TWIST1: variants seen among roughly 807,000 people sequenced by gnomAD.
The protein encoded by TWIST1 is twist family bHLH transcription factor 1, also known as twist-related protein 1.
In TWIST1, 8 loss-of-function variants were observed where a neutral mutation model predicts 12.9. That is an observed-to-expected ratio of 0.62 (90% confidence interval 0.37 to 1.12). The LOEUF (loss-of-function observed/expected upper bound fraction) is 1.12, where lower values mean the gene tolerates loss of function less well. Among genes scored for constraint, TWIST1 ranks in the 50% most tolerant of loss-of-function variants. TWIST1 has a pLI of 0.02. For missense variants in TWIST1, 268 were observed against 299.7 expected, an observed-to-expected ratio of 0.89 and a Z score of 0.78; for synonymous variants, 169 against 138.7, an observed-to-expected ratio of 1.22 and a Z score of -1.54.
chr7:19,115,370 T>C (rs1288333178), downstream of TWIST1: 1 of 152,592 alleles, frequency 6.6e-6, no homozygotes, highest in African/African-American at 2.4e-5. Context: ...TTGTTTATAT[T>C]AGTGCCCCCT....
At chr7:19,114,231 ACTC>A (rs1281921186), downstream of TWIST1, 1 of 152,076 alleles carries the variant, frequency 6.6e-6, no homozygotes, top group Non-Finnish European at 1.5e-5. Context: ...AATGCTGCAG[ACTC>A]CTTATTGTAA....
At position 19,117,447 on chromosome 7, in the gene TWIST1, G is replaced by C. The variant is rs1027692930; in HGVS notation, c.-126C>G. ...GATGCGGCCCGCGGAGGAGAGAGCA[G>C]GAGGACGGACGGGAGGGACCTCCGC... is the stretch of plus-strand genomic sequence containing the variant. On this transcript the variant is annotated 5_prime_UTR_variant, in exon 1 of 2. Transcript: ENST00000242261. 6 of 1,201,254 alleles carry C rather than the reference G, an allele frequency of 5.0e-6. No homozygotes were observed. The African/African-American group carries it at 6.5e-5, about 13-fold the overall frequency. The allele number at this position is 1,201,254 out of a possible 1,614,324, so 74.4% of individuals were successfully genotyped here.
rs1420485349 is a variant in TWIST1, at chr7:19,116,745, C to T, written c.577G>A (p.Glu193Lys). Residue 193 changes from glutamate to lysine, a missense_variant, in exon 1 of 2, where the codon GAG (glutamate) becomes AAG (lysine). Glu to Lys is a moderately conservative substitution (Grantham distance 56). Around this residue, in one of 2 missense-constraint regions of TWIST1, gnomAD observed 79 missense variants for 127.6 expected, o/e 0.62. Coordinates refer to ENST00000242261, the MANE Select transcript of TWIST1 (RefSeq NM_000474.4). ...LSYAFSVWRM[E>K]GAWSMSASH ...GACGCGGACATGGACCAGGCCCCCT[C>T]CATCCTCCAGACCGAGAAGGCGTAG... 3.1e-6 allele frequency: 5 copies of T among 1,611,938 alleles called. No homozygotes were observed. The South Asian group carries it at 5.5e-5, about 18-fold the overall frequency.
Position 19,117,359 on chromosome 7 carries a change from C to G in TWIST1, c.-38G>C. 1 of 1,411,414 alleles carries G rather than the reference C, an allele frequency of 7.1e-7. No homozygotes were observed. Among genetic ancestry groups the G allele is most frequent in the South Asian group, 1.4e-5 (1 of 72,072 alleles). 87.4% of individuals were successfully genotyped at this position (1,411,414 alleles called of 1,614,324 possible). On this transcript the variant is annotated 5_prime_UTR_variant, in exon 1 of 2. Coordinates refer to ENST00000242261, the MANE Select transcript of TWIST1 (RefSeq NM_000474.4). ...GACGCGTGGCCTCGCGGGCCCGGGG[C>G]AGAGGAGAAGAGCGGGGCGCCTCAG...
chr7:19,116,895 G>A lies in TWIST1; in HGVS notation c.427C>T (p.Leu143=). The change falls in exon 1 of 2, where the codon CTG becomes TTG. Residue 143 remains leucine, a synonymous_variant. Transcript: ENST00000242261. ...AGCTTGAGGGTCTGAATCTTGCTCA[G>A]CTTGTCCGAGGGCAGCGTGGGGATG... ...KIIPTLPSDK[L]SKIQTLKLAA... is the part of the protein sequence containing the mutation. The A allele has an allele frequency of 6.2e-7, 1 of 1,614,154 alleles. No homozygotes were observed. The highest frequency in any genetic ancestry group is 1.3e-5 in the African/African-American group (1 of 75,070).
At chr7:19,113,736 T>C (rs1316618903), downstream of TWIST1, 1 of 152,118 alleles carries the variant, frequency 6.6e-6, no homozygotes, top group East Asian at 1.9e-4. Context: ...CATTTGCTTT[T>C]CTCCAAAGTG....
At chr7:19,114,137 CCTTT>C (rs1304731066), downstream of TWIST1, 2 of 152,094 alleles carry the variant, frequency 1.3e-5, no homozygotes, top group Admixed American at 6.5e-5. Context: ...AATCGCCTTC[CCTTT>C]CTGTTATTTG....
At chr7:19,116,349 T>C (rs1012462335) in intron 1 of TWIST1, among the ~76,000 whole-genome samples, 2 of 152,132 alleles carry the variant, frequency 1.3e-5, no homozygotes, top group Non-Finnish European at 2.9e-5. Flanking sequence ...GAACAAAAAT[T>C]GAAAGCCGAA....
Position 19,117,395 on chromosome 7 carries a change from TCCCCCGCGCGCGGCGCCGG to T in TWIST1, c.-93_-75del. ...AGCGGGGCGCCTCAGCCCGCCAGCTTCCCCCGCGCGCGGCGCCGGCCCGGGCGATGCGGCCCGCGGAGGA... is the reference window on the plus strand; with the variant it reads ...AGCGGGGCGCCTCAGCCCGCCAGCTTCCCGGGCGATGCGGCCCGCGGAGGA... On this transcript the variant is annotated 5_prime_UTR_variant, in exon 1 of 2. Transcript: ENST00000242261. The T allele has an allele frequency of 7.7e-7, 1 of 1,297,318 alleles. No homozygotes were observed. Among genetic ancestry groups the T allele is most frequent in the Non-Finnish European group, 9.8e-7 (1 of 1,018,212 alleles). 80.4% of individuals were successfully genotyped at this position (1,297,318 alleles called of 1,614,324 possible).
At chr7:19,114,012 C>G (rs1489130038), downstream of TWIST1, 1 of 152,000 alleles carries the variant, frequency 6.6e-6, no homozygotes, top group Non-Finnish European at 1.5e-5. Flanking sequence ...ATGATACATA[C>G]AAAAAAGAAT....
chr7:19,116,742 C>T lies in TWIST1; in HGVS notation c.580G>A (p.Gly194Arg). The change falls in exon 1 of 2, where the codon GGG (glycine) becomes AGG (arginine). Residue 194 changes from glycine to arginine, a missense_variant. Gly to Arg is a moderately radical substitution (Grantham distance 125). This residue lies in a region of TWIST1 where 79 missense variants were observed against 127.6 expected (regional missense o/e 0.62). Transcript: ENST00000242261. ...SYAFSVWRME[G>R]AWSMSASH is the part of the protein sequence containing the mutation. ...TGGGACGCGGACATGGACCAGGCCC[C>T]CTCCATCCTCCAGACCGAGAAGGCG... 6.2e-7 allele frequency: 1 copy of T among 1,611,632 alleles called. No homozygotes were observed. The highest frequency in any genetic ancestry group is 8.5e-7 in the Non-Finnish European group (1 of 1,179,060).
rs1223725847 is a variant in TWIST1 at position 19,115,743 on chromosome 7, T to C, written c.*431A>G. The C allele has an allele frequency of 1.3e-5, 2 of 152,156 alleles. No homozygotes were observed. The highest frequency in any genetic ancestry group is 1.9e-4 in the East Asian group (1 of 5,190). The allele number at this position is 152,156 out of a possible 1,614,324, so 9.4% of individuals were successfully genotyped here. Reference sequence around the variant, plus strand: ...AAAGGTGTTCTTATAGTTCCTCTGATTGTTACCATTTTAAAATAGAGAAAG... The same window carrying C: ...AAAGGTGTTCTTATAGTTCCTCTGACTGTTACCATTTTAAAATAGAGAAAG... On this transcript the variant is annotated 3_prime_UTR_variant, in exon 2 of 2. Transcript: ENST00000242261.
downstream of TWIST1, chr7:19,113,572 C>T (rs1788511647): frequency 6.6e-6 from 1 of 152,150 alleles, no homozygotes; most frequent in South Asian, 2.1e-4. Context: ...TTAGAATCTG[C>T]AAGCTGGAAA....
downstream of TWIST1, chr7:19,113,080 C>T (rs1563158351): frequency 6.6e-6 from 1 of 152,164 alleles, no homozygotes; most frequent in Non-Finnish European, 1.5e-5. Context: ...ATTAATAATA[C>T]GTTCCACTTT....
chr7:19,116,719 G>T lies in TWIST1; in HGVS notation c.603C>A (p.Ser201=), dbSNP rs576538800. 1.0e-5 allele frequency: 16 copies of T among 1,607,112 alleles called. No individual in the cohort carries two copies. The Admixed American group carries it at 2.7e-4, about 27-fold the overall frequency. The change falls in exon 1 of 2, where the codon TCC becomes TCA. Residue 201 remains serine (S), a synonymous_variant. Coordinates refer to ENST00000242261, the MANE Select transcript of TWIST1 (RefSeq NM_000474.4). ...RMEGAWSMSA[S]H is the part of the protein sequence containing the mutation. ...GGGTGGGGGGCTCCGCCTGCTAGTG[G>T]GACGCGGACATGGACCAGGCCCCCT...
chr7:19,117,414 GCCC>G lies in TWIST1; in HGVS notation c.-96_-94del. 1.6e-6 allele frequency: 2 copies of G among 1,224,018 alleles called. No individual in the cohort carries two copies. Among genetic ancestry groups the G allele is most frequent in the Non-Finnish European group, 2.0e-6 (2 of 978,142 alleles). 75.8% of individuals were successfully genotyped at this position (1,224,018 alleles called of 1,614,324 possible). A position where few individuals can be genotyped will look rare whatever the true frequency, so the allele number is the denominator to read the frequency against. ...CCAGCTTCCCCCGCGCGCGGCGCCG[GCCC>G]GGGCGATGCGGCCCGCGGAGGAGAG... is the stretch of plus-strand genomic sequence containing the variant. On this transcript the variant is annotated 5_prime_UTR_variant, in exon 1 of 2. Coordinates refer to ENST00000242261, the MANE Select transcript of TWIST1 (RefSeq NM_000474.4).
chr7:19,114,622 T>TTG (rs930024998), downstream of TWIST1, among the ~76,000 whole-genome samples: 6 of 151,960 alleles, frequency 3.9e-5, no homozygotes, highest in East Asian at 1.9e-4. Flanking sequence ...TAACTTCAGA[T>TTG]TGTGTGTGTG....
downstream of TWIST1, chr7:19,114,357 A>G (rs1337217308): frequency 2.0e-5 from 3 of 152,220 alleles, no homozygotes; most frequent in South Asian, 4.1e-4. Context: ...CTTTGACCTG[A>G]GCTAAGCAAA....
chr7:19,116,634 C>T (rs1563159776), intron 1 of TWIST1, 37 bp downstream of exon 1: 3 of 1,495,264 alleles, frequency 2.0e-6, no homozygotes, highest in Non-Finnish European at 1.8e-6. Context: ...CCGTCTGCCA[C>T]CTGAGAGGCG....
Sources: allele counts gnomAD v4.1 joint callset (sites outside exome capture counted in the v4.1 genomes callset), GRCh38; gene constraint gnomAD v4.1.1; regional missense constraint gnomAD v4.1.1; transcripts MANE v1.5; gene names NCBI Gene and HGNC (gene_info 2026-07-23, HGNC 2026-07-21).